LAPTM5: variants seen among roughly 807,000 people sequenced by gnomAD.
LAPTM5 encodes lysosomal protein transmembrane 5, also known as lysosomal-associated transmembrane protein 5.
Under a neutral mutation model 30.1 loss-of-function variants are expected in LAPTM5, and 11 were observed. That is an observed-to-expected ratio of 0.37 (90% CI 0.23 to 0.60). The LOEUF (loss-of-function observed/expected upper bound fraction) is 0.60. Ranked by LOEUF, LAPTM5 falls within the 20% of genes least tolerant of loss-of-function variation. LAPTM5 has a pLI of 0.71. For missense variants in LAPTM5, 324 were observed against 332.5 expected (o/e 0.97, Z 0.20); for synonymous variants, 151 against 137.9 (o/e 1.10, Z -0.67).
At chr1:30,744,912 A>G (rs1227819380) in intron 1 of LAPTM5, among the ~76,000 whole-genome samples, 3 of 152,204 alleles carry the variant, frequency 2.0e-5, no homozygotes, top group African/African-American at 7.2e-5. Context: ...GTTTATCATG[A>G]ACATCATAAA....
At chr1:30,754,701 A>G (rs1351750005) in intron 1 of LAPTM5, among the ~76,000 whole-genome samples, 3 of 152,244 alleles carry the variant, frequency 2.0e-5, no homozygotes, top group Non-Finnish European at 4.4e-5. Flanking sequence ...ACCCACTGAC[A>G]TCCTGAGGAA....
chr1:30,749,655 C>G (rs1411286422), intron 1 of LAPTM5, among the ~76,000 whole-genome samples: 1 of 152,146 alleles, frequency 6.6e-6, no homozygotes, highest in Non-Finnish European at 1.5e-5. Flanking sequence ...ACACCCAGAG[C>G]TCAGGGTCCA....
At chr1:30,752,605 C>T (rs776812524) in intron 1 of LAPTM5, among the ~76,000 whole-genome samples, 6 of 152,244 alleles carry the variant, frequency 3.9e-5, no homozygotes, top group Non-Finnish European at 5.9e-5. Context: ...AGAATCCCAA[C>T]CTCCAGCCCT....
Position 30,741,711 on chromosome 1 carries a change from G to T in LAPTM5, c.187C>A (p.Leu63Met). Residue 63 changes from leucine (L) to methionine (M), a missense_variant, in exon 3 of 8, where the codon CTG becomes ATG. By Grantham distance (15) the Leu-to-Met change is conservative. Transcript: ENST00000294507. ...GTGATGAGCAGGAAGCTGGAGATCA[G>T]GTCAGCTGAAAGGCAAGGAGAGCAG... ...SQMGYLRIAD[L>M]ISSFLLITML... 1 of 1,606,038 alleles carries T rather than the reference G, an allele frequency of 6.2e-7. No homozygotes were observed. The highest frequency in any genetic ancestry group is 8.5e-7 in the Non-Finnish European group (1 of 1,176,138).
intron 1 of LAPTM5, among the ~76,000 whole-genome samples, chr1:30,754,544 AAAAAC>A (rs1163001488): frequency 2.6e-5 from 4 of 152,188 alleles, no homozygotes; most frequent in Non-Finnish European, 4.4e-5. Flanking sequence ...TCTTAAAAAC[AAAAAC>A]AAAACAAAAC....
At position 30,733,934 on chromosome 1, in the gene LAPTM5, G is replaced by A. The variant is rs368658904; in HGVS notation, c.700-17C>T. The A allele has an allele frequency of 5.6e-5, 90 of 1,608,650 alleles. No individual in the cohort carries two copies. Among genetic ancestry groups the A allele is most frequent in the Non-Finnish European group, 6.7e-5 (79 of 1,178,696 alleles). On this transcript the variant is annotated splice_polypyrimidine_tract_variant and intron_variant, in intron 7 of 7. Transcript: ENST00000294507. ...CAGGACCACCTGGGAGAGACAGAGAGATGAGGGCTGAGTATGGTCAAGAAT... is the reference window on the plus strand; with the variant it reads ...CAGGACCACCTGGGAGAGACAGAGAAATGAGGGCTGAGTATGGTCAAGAAT...
intron 6 of LAPTM5, among the ~76,000 whole-genome samples, chr1:30,735,791 T>C (rs1044601637): frequency 1.3e-5 from 2 of 152,266 alleles, no homozygotes; most frequent in East Asian, 1.9e-4. Context: ...GAGTGGGGCA[T>C]ACAATCCCAA....
At chr1:30,754,206 C>T (rs1640178076) in intron 1 of LAPTM5, among the ~76,000 whole-genome samples, 1 of 151,958 alleles carries the variant, frequency 6.6e-6, no homozygotes, top group African/African-American at 2.4e-5. Flanking sequence ...TTCAGGTTGA[C>T]AAAAAGCCAG....
At chr1:30,742,287 C>G (rs1303492680) in intron 2 of LAPTM5, 169 bp downstream of exon 2, 2 of 603,940 alleles carry the variant, frequency 3.3e-6, no homozygotes, top group Non-Finnish European at 5.9e-6. Flanking sequence ...TGGAACATCC[C>G]CATTTGCGGA....
chr1:30,751,084 C>T (rs186026816), intron 1 of LAPTM5, among the ~76,000 whole-genome samples: 18 of 152,384 alleles, frequency 1.2e-4, no homozygotes, highest in African/African-American at 4.3e-4. Flanking sequence ...TTCCTGGAGG[C>T]CTCGGGGCCA....
At chr1:30,750,028 G>A (rs1337634446) in intron 1 of LAPTM5, among the ~76,000 whole-genome samples, 1 of 152,164 alleles carries the variant, frequency 6.6e-6, no homozygotes, top group Admixed American at 6.5e-5. Flanking sequence ...GATGGCGCTG[G>A]AGGAGGTTGT....
rs190649723 is a variant in LAPTM5 at position 30,739,227 on chromosome 1, C to T, written c.388-165G>A. The T allele has an allele frequency of 3.3e-6, 3 of 910,226 alleles. No individual in the cohort carries two copies. The highest frequency in any genetic ancestry group is 5.8e-5 in the Admixed American group (2 of 34,502). 56.4% of individuals were successfully genotyped at this position (910,226 alleles called of 1,614,324 possible). A position where few individuals can be genotyped will look rare whatever the true frequency, so the allele number is the denominator to read the frequency against. ...GACATGAACACACAGATGTTCATAC[C>T]AAGAGCTGGTGGCAGACCCAAGACT... On this transcript the variant is annotated intron_variant, in intron 4 of 7. Coordinates refer to ENST00000294507, the MANE Select transcript of LAPTM5 (RefSeq NM_006762.3). This position sits in a 1 kb window ranked among gnomAD's most constrained non-coding sequence, Gnocchi z 4.2.
At chr1:30,743,659 C>G (rs1331571075) in intron 1 of LAPTM5, among the ~76,000 whole-genome samples, 1 of 152,182 alleles carries the variant, frequency 6.6e-6, no homozygotes, top group Non-Finnish European at 1.5e-5. Context: ...CCCCTCCCCT[C>G]TAGTCGGTGC....
chr1:30,754,049 G>C (rs568699764), intron 1 of LAPTM5, among the ~76,000 whole-genome samples: 2 of 152,316 alleles, frequency 1.3e-5, no homozygotes, highest in Admixed American at 1.3e-4. Flanking sequence ...TGAAATCATA[G>C]CAGGTGTTAA....
intron 1 of LAPTM5, among the ~76,000 whole-genome samples, chr1:30,750,300 T>C (rs928305860): frequency 2.0e-5 from 3 of 152,180 alleles, no homozygotes; most frequent in Non-Finnish European, 2.9e-5. Context: ...TCTCCCTTTA[T>C]CTTCAGAGCA....
At chr1:30,737,512 G>T in intron 6 of LAPTM5, 92 bp downstream of exon 6, 1 of 843,568 alleles carries the variant, frequency 1.2e-6, no homozygotes. Context: ...GAGGACACAT[G>T]TCCCTGCCTT....
chr1:30,750,998 A>T lies in LAPTM5; in HGVS notation c.87+6661T>A, dbSNP rs1310461570. On this transcript the variant is annotated intron_variant, in intron 1 of 7. Transcript: ENST00000294507. Reference sequence around the variant, plus strand: ...CAGGGTGGGGTCCCCTGGGAAACCAACGCTCGCCTCACAGTGAGCTCAGAG... The same window carrying T: ...CAGGGTGGGGTCCCCTGGGAAACCATCGCTCGCCTCACAGTGAGCTCAGAG... Among the ~76,000 whole-genome samples the T allele has an allele frequency of 3.3e-5, 5 of 152,210 alleles. 1 individual carries two copies. The East Asian group carries it at 9.6e-4, about 29-fold the overall frequency.
chr1:30,757,501 C>A (rs1199625639), intron 1 of LAPTM5, among the ~76,000 whole-genome samples, 158 bp downstream of exon 1: 1 of 152,184 alleles, frequency 6.6e-6, no homozygotes, highest in Admixed American at 6.5e-5. Context: ...GAGAAGGAAA[C>A]TGAGGCCCAG....
intron 1 of LAPTM5, among the ~76,000 whole-genome samples, chr1:30,742,826 T>A (rs527515308): frequency 6.6e-6 from 1 of 152,306 alleles, no homozygotes; most frequent in African/African-American, 2.4e-5. Flanking sequence ...ATGGGGATAA[T>A]ACTAGTAACT....
Sources: gnomAD v4.1 joint callset for allele counts (sites outside exome capture counted in the v4.1 genomes callset) on GRCh38, gnomAD v4.1.1 for gene constraint, Gnocchi (gnomAD v3.1) non-coding constraint, MANE v1.5 for transcripts, NCBI Gene and HGNC (gene_info 2026-07-23, HGNC 2026-07-21) for gene names.